ZNF804A: variants seen among roughly 807,000 people sequenced by gnomAD.
The protein encoded by ZNF804A is zinc finger protein 804A.
In ZNF804A, 2 loss-of-function variants were observed where a neutral mutation model predicts 16.5. The observed-to-expected ratio is 0.12, with a 90% CI of 0.05 to 0.38. The LOEUF is 0.38. Among genes scored for constraint, ZNF804A ranks in the 10% least tolerant of loss-of-function variants. The probability of loss-of-function intolerance (pLI) is 0.99; values close to 1 mark genes in which losing one functional copy is unlikely to be tolerated. For synonymous variants in ZNF804A, 534 were observed against 489.6 expected, an observed-to-expected ratio of 1.09 and a Z score of -1.20; for missense variants, 1,473 against 1,390.7, an observed-to-expected ratio of 1.06 and a Z score of -0.94.
At chr2:184,606,642 G>A (rs1006823328) in intron 1 of ZNF804A, among the ~76,000 whole-genome samples, 2 of 152,158 alleles carry the variant, frequency 1.3e-5, no homozygotes, top group Admixed American at 6.5e-5. Flanking sequence ...TGATGATGTG[G>A]TTTGGCCTGA....
chr2:184,614,489 T>A (rs972952489), intron 1 of ZNF804A, among the ~76,000 whole-genome samples: 2 of 151,978 alleles, frequency 1.3e-5, no homozygotes, highest in African/African-American at 2.4e-5. Flanking sequence ...ATCATCAGAG[T>A]GAACAGGCAA....
chr2:184,711,929 T>C (rs1693135619), intron 1 of ZNF804A, among the ~76,000 whole-genome samples: 1 of 151,752 alleles, frequency 6.6e-6, no homozygotes, highest in Admixed American at 6.6e-5. Flanking sequence ...TCCAGTTTTG[T>C]TGTTCTTAAG....
At chr2:184,858,315 A>G (rs1181371182) in intron 1 of ZNF804A, among the ~76,000 whole-genome samples, 2 of 151,836 alleles carry the variant, frequency 1.3e-5, no homozygotes, top group Admixed American at 6.6e-5. Context: ...ACCAACCTGG[A>G]CAACATGGCG....
chr2:184,793,613 T>C (rs1694586698), intron 1 of ZNF804A, among the ~76,000 whole-genome samples: 1 of 152,130 alleles, frequency 6.6e-6, no homozygotes, highest in Non-Finnish European at 1.5e-5. Flanking sequence ...CAAGTGGTGT[T>C]TGGTTACATG....
chr2:184,646,525 T>C (rs927109276), intron 1 of ZNF804A, among the ~76,000 whole-genome samples: 2 of 152,070 alleles, frequency 1.3e-5, no homozygotes, highest in African/African-American at 4.8e-5. Context: ...TGCAGAGATC[T>C]TGGTGCAAGG....
chr2:184,601,625 T>C (rs945499958), intron 1 of ZNF804A, among the ~76,000 whole-genome samples: 4 of 151,976 alleles, frequency 2.6e-5, no homozygotes, highest in African/African-American at 9.6e-5. Flanking sequence ...GTAATAATTA[T>C]GATATCTTTC....
chr2:184,861,638 G>A (rs1273342084), intron 1 of ZNF804A, among the ~76,000 whole-genome samples: 1 of 152,110 alleles, frequency 6.6e-6, no homozygotes, highest in Non-Finnish European at 1.5e-5. Context: ...CACTTGTCAG[G>A]GAAGGTTACT....
intron 1 of ZNF804A, among the ~76,000 whole-genome samples, chr2:184,658,815 T>A (rs896391006): frequency 3.1e-4 from 47 of 152,224 alleles, no homozygotes; most frequent in African/African-American, 1.1e-3. Flanking sequence ...GCAAATGTTT[T>A]CAGGCAAAGA....
intron 1 of ZNF804A, among the ~76,000 whole-genome samples, chr2:184,844,128 G>T (rs1386880127): frequency 6.6e-6 from 1 of 151,626 alleles, no homozygotes; most frequent in Non-Finnish European, 1.5e-5. Context: ...CACTATAATA[G>T]TTCATATGTA....
chr2:184,709,348 G>A (rs893890049), intron 1 of ZNF804A, among the ~76,000 whole-genome samples: 1 of 151,922 alleles, frequency 6.6e-6, no homozygotes, highest in African/African-American at 2.4e-5. Context: ...AAGTAATATT[G>A]AAAATATATT....
chr2:184,694,506 G>A (rs1229855725), intron 1 of ZNF804A, among the ~76,000 whole-genome samples: 1 of 152,052 alleles, frequency 6.6e-6, no homozygotes, highest in African/African-American at 2.4e-5. Context: ...AAATTGATCA[G>A]GATATACATG....
chr2:184,764,447 T>G (rs1007261215), intron 1 of ZNF804A, among the ~76,000 whole-genome samples: 1 of 152,184 alleles, frequency 6.6e-6, no homozygotes, highest in Non-Finnish European at 1.5e-5. Flanking sequence ...CCTTGAGTAA[T>G]TAACCACAAA....
At chr2:184,886,900 C>T (rs1017120801) in intron 2 of ZNF804A, among the ~76,000 whole-genome samples, 1 of 152,306 alleles carries the variant, frequency 6.6e-6, no homozygotes, top group East Asian at 1.9e-4. Flanking sequence ...CTGACATGGC[C>T]TGGAGATATT....
chr2:184,694,134 C>T (rs1277777127), intron 1 of ZNF804A, among the ~76,000 whole-genome samples: 2 of 149,704 alleles, frequency 1.3e-5, no homozygotes, highest in South Asian at 2.1e-4. Context: ...TTTTTAGTAG[C>T]GATGGGGTTT....
At chr2:184,720,412 G>A (rs1026379234) in intron 1 of ZNF804A, among the ~76,000 whole-genome samples, 2 of 152,006 alleles carry the variant, frequency 1.3e-5, no homozygotes, top group African/African-American at 4.8e-5. Flanking sequence ...CAGGAAAATT[G>A]CAGGATACAA....
intron 1 of ZNF804A, among the ~76,000 whole-genome samples, chr2:184,603,452 A>G (rs998148365): frequency 1.3e-5 from 2 of 152,178 alleles, no homozygotes; most frequent in Non-Finnish European, 2.9e-5. Flanking sequence ...CTTTTGAAAC[A>G]CTATTTGGCC....
intron 2 of ZNF804A, among the ~76,000 whole-genome samples, chr2:184,924,440 A>T: frequency 6.7e-6 from 1 of 150,210 alleles, no homozygotes; most frequent in African/African-American, 2.4e-5. Flanking sequence ...TTTTATTTGG[A>T]TCTTCTCTCT....
intron 1 of ZNF804A, among the ~76,000 whole-genome samples, chr2:184,605,230 G>A (rs561416405): frequency 3.4e-4 from 51 of 152,198 alleles, no homozygotes; most frequent in Non-Finnish European, 6.2e-4. Context: ...ACCAAAAAAA[G>A]ATAGCAGTTA....
intron 1 of ZNF804A, among the ~76,000 whole-genome samples, chr2:184,848,299 G>A (rs1420220525): frequency 1.3e-5 from 2 of 151,950 alleles, no homozygotes; most frequent in African/African-American, 2.4e-5. Flanking sequence ...GCCCAATTAT[G>A]TACTTCTTAT....
Sources: allele counts gnomAD v4.1 joint callset (sites outside exome capture counted in the v4.1 genomes callset), GRCh38; gene constraint gnomAD v4.1.1; transcripts MANE v1.5; gene names NCBI Gene and HGNC (gene_info 2026-07-23, HGNC 2026-07-21).